Variants in SAP130 observed in about 807,000 individuals in gnomAD.
SAP130 encodes the protein histone deacetylase complex subunit SAP130.
A neutral mutation model predicts 103.2 loss-of-function variants in SAP130; 16 were observed. The ratio of observed to expected loss-of-function variants is 0.16; its 90% CI spans 0.10 to 0.24. The LOEUF is 0.24. SAP130 is among the 10% of genes least tolerant of loss of function. The pLI, the probability that SAP130 is intolerant of heterozygous loss-of-function variation, is 1.00. For synonymous variants in SAP130, 477 were observed against 497.0 expected (o/e 0.96, Z 0.53); for missense variants, 990 against 1,359.7 (o/e 0.73, Z 4.28).
At chr2:128,000,181 C>T (rs747049429) in intron 8 of SAP130, 35 bp from the exon 9 acceptor site, 1 of 1,610,646 alleles carries the variant, frequency 6.2e-7, no homozygotes, top group East Asian at 2.2e-5. Flanking sequence ...GTTATAAGAA[C>T]ATTATCCACT....
rs529674042 is a variant in SAP130, at chr2:127,986,289, A to G, written c.1958+496T>C. On this transcript the variant is annotated intron_variant, in intron 14 of 20. Transcript: ENST00000643581. This position sits in a 1 kb window ranked among gnomAD's most constrained non-coding sequence, Gnocchi z 4.7. The stretch of plus-strand genomic sequence containing the variant: ...CCTCTAGACACTGCTGTAGGGTTGG[A>G]GCGACACAGCCTGCCTGTCTGTATG... Among the ~76,000 whole-genome samples the G allele has an allele frequency of 3.5e-4, 53 of 152,298 alleles. No individual in the cohort carries two copies. The highest frequency in any genetic ancestry group is 1.5e-4 in the Non-Finnish European group (10 of 68,014).
At position 128,028,058 on chromosome 2, in the gene SAP130, C is replaced by T; in HGVS notation, c.-125G>A. Reference sequence around the variant, plus strand: ...CAGCCACCGCCGGGGAGCTAGCACTCTGCCCCCCACCCCTCACTCCAGCGC... The same window carrying T: ...CAGCCACCGCCGGGGAGCTAGCACTTTGCCCCCCACCCCTCACTCCAGCGC... On this transcript the variant is annotated 5_prime_UTR_variant, in exon 1 of 21. Transcript: ENST00000643581. 2 of 813,718 alleles carry T rather than the reference C, an allele frequency of 2.5e-6. No individual in the cohort carries two copies. Among genetic ancestry groups the T allele is most frequent in the Non-Finnish European group, 3.0e-6 (2 of 672,544 alleles). 50.4% of individuals were successfully genotyped at this position (813,718 alleles called of 1,614,324 possible). A position where few individuals can be genotyped will look rare whatever the true frequency, so the allele number is the denominator to read the frequency against.
At chr2:128,016,837 C>A (rs528989211) in intron 3 of SAP130, among the ~76,000 whole-genome samples, 1 of 152,310 alleles carries the variant, frequency 6.6e-6, no homozygotes, top group South Asian at 2.1e-4. Context: ...CAGCCCACAC[C>A]CTTTCTTCTA....
At chr2:127,973,885 G>A (rs2104893938) in intron 15 of SAP130, among the ~76,000 whole-genome samples, 1 of 152,130 alleles carries the variant, frequency 6.6e-6, no homozygotes, top group South Asian at 2.1e-4. Flanking sequence ...ACCAGCCTGG[G>A]CAACATGGTG....
At chr2:128,006,382 T>C (rs1683975764) in intron 7 of SAP130, among the ~76,000 whole-genome samples, 2 of 152,236 alleles carry the variant, frequency 1.3e-5, no homozygotes. Flanking sequence ...AAAATTAAGA[T>C]ATGACTTACA....
At chr2:128,017,461 G>C (rs1002022711) in intron 3 of SAP130, among the ~76,000 whole-genome samples, 1 of 152,102 alleles carries the variant, frequency 6.6e-6, no homozygotes, top group Non-Finnish European at 1.5e-5. Context: ...TATCAAAATG[G>C]ATAACAGCAA....
intron 2 of SAP130, among the ~76,000 whole-genome samples, chr2:128,025,757 G>T (rs1685459511): frequency 6.6e-6 from 1 of 152,072 alleles, no homozygotes; most frequent in Non-Finnish European, 1.5e-5. Flanking sequence ...TATCTAAGGT[G>T]GGTCCTGGAA....
intron 16 of SAP130, 105 bp from the exon 17 acceptor site, chr2:127,950,513 C>T: frequency 7.6e-7 from 1 of 1,312,178 alleles, no homozygotes; most frequent in Non-Finnish European, 1.1e-6. Flanking sequence ...GCACAGAGCA[C>T]CAACATTTAT....
chr2:127,956,377 TAATC>T (rs1679840095), intron 15 of SAP130, among the ~76,000 whole-genome samples: 1 of 152,158 alleles, frequency 6.6e-6, no homozygotes, highest in African/African-American at 2.4e-5. Flanking sequence ...TCTAGCAAAT[TAATC>T]AAACTTATGC....
intron 15 of SAP130, among the ~76,000 whole-genome samples, chr2:127,961,983 C>T (rs1057066318): frequency 6.6e-6 from 1 of 152,184 alleles, no homozygotes; most frequent in African/African-American, 2.4e-5. Context: ...GGCGTGTTAG[C>T]TCTCAGCACG....
intron 14 of SAP130, among the ~76,000 whole-genome samples, chr2:127,978,651 T>C (rs1681645193): frequency 2.0e-5 from 3 of 150,716 alleles, no homozygotes; most frequent in South Asian, 4.1e-4. Context: ...CAAATACCAG[T>C]TGAGAGTGGA....
intron 5 of SAP130, 29 bp from the exon 6 acceptor site, chr2:128,013,183 T>C: frequency 1.3e-6 from 2 of 1,567,374 alleles, no homozygotes; most frequent in Non-Finnish European, 1.7e-6. Flanking sequence ...TTATTATATT[T>C]ATTCTAGTTA....
rs1374775317 is a variant in SAP130, at chr2:127,993,248, T to C, written c.1416A>G (p.Pro472=). The change falls in exon 12 of 21, where the codon CCA becomes CCG. Residue 472 remains proline (P), a synonymous_variant. Transcript: ENST00000643581. ...TTGGGGTGTAGGTATGTGCCGCCAG[T>C]GGGTATGCAGAAGGGGGGTAAGTTG... is the stretch of plus-strand genomic sequence containing the variant. ...FLPTYPPSAY[P]LAAHTYTPIT... is the part of the protein sequence containing the mutation. 3 of 1,613,758 alleles carry C rather than the reference T, an allele frequency of 1.9e-6. No individual in the cohort carries two copies. The Admixed American group carries it at 5.0e-5, about 27-fold the overall frequency.
rs570543147 is a variant in SAP130, at chr2:128,016,346, G to C, written c.507+43C>G. The C allele has an allele frequency of 8.8e-6, 14 of 1,582,056 alleles. No homozygotes were observed. The African/African-American group carries it at 1.9e-4, about 21-fold the overall frequency. On this transcript the variant is annotated intron_variant, in intron 4 of 20. Transcript: ENST00000643581. The stretch of plus-strand genomic sequence containing the variant: ...TTCAATAAATCATGATCAACAGTTT[G>C]GCATTTCAGTTTGAAAATCAGCAAA...
intron 14 of SAP130, among the ~76,000 whole-genome samples, chr2:127,985,076 G>A (rs1371020770): frequency 6.6e-6 from 1 of 152,196 alleles, no homozygotes; most frequent in Non-Finnish European, 1.5e-5. Context: ...ACGCCATCGC[G>A]TGATGGTCTG....
At chr2:127,967,396 T>C (rs1383478153) in intron 15 of SAP130, among the ~76,000 whole-genome samples, 1 of 152,080 alleles carries the variant, frequency 6.6e-6, no homozygotes, top group African/African-American at 2.4e-5. Context: ...CAAGAATAGC[T>C]GGAGATTTCT....
intron 15 of SAP130, among the ~76,000 whole-genome samples, chr2:127,969,665 G>C (rs2104862574): frequency 6.6e-6 from 1 of 152,346 alleles, no homozygotes; most frequent in Non-Finnish European, 1.5e-5. Context: ...TTGAAGGACA[G>C]ACTATTCCAT....
intron 14 of SAP130, among the ~76,000 whole-genome samples, chr2:127,982,150 T>G (rs1398556143): frequency 6.6e-6 from 1 of 150,400 alleles, no homozygotes; most frequent in East Asian, 1.9e-4. Context: ...ACACAGACAA[T>G]TTCTTTTTAC....
At position 127,989,209 on chromosome 2, in the gene SAP130, TCG is replaced by T. The variant is rs1160715142; in HGVS notation, c.1780+353_1780+354del. Among the ~76,000 whole-genome samples the T allele has an allele frequency of 1.3e-5, 2 of 151,596 alleles. No individual in the cohort carries two copies. Among genetic ancestry groups the T allele is most frequent in the African/African-American group, 4.8e-5 (2 of 41,258 alleles). On this transcript the variant is annotated intron_variant, in intron 13 of 20. Coordinates refer to ENST00000643581, the MANE Select transcript of SAP130 (RefSeq NM_001330301.2). The surrounding 1 kb of genome is among the most constrained non-coding windows in gnomAD (Gnocchi z 4.6). The stretch of plus-strand genomic sequence containing the variant: ...CACATCCCCAGTTCACGCCATTCTC[TCG>T]CCTCAGCCTCCCGAGTAGCTAGGAC...
Sources: allele counts gnomAD v4.1 joint callset (sites outside exome capture counted in the v4.1 genomes callset), GRCh38; gene constraint gnomAD v4.1.1; non-coding constraint Gnocchi (gnomAD v3.1); transcripts MANE v1.5; gene names NCBI Gene and HGNC (gene_info 2026-07-23, HGNC 2026-07-21).